Variants in MAPK4 observed in about 807,000 individuals in gnomAD.
MAPK4 encodes Erk3-related.
MAPK4 carries 22 observed loss-of-function variants against 47.7 expected under a neutral mutation model. The observed-to-expected ratio is 0.46, with a 90% confidence interval of 0.33 to 0.66. The LOEUF is 0.66. Among genes scored for constraint, MAPK4 ranks in the 30% least tolerant of loss-of-function variants. The pLI is 0.02. For synonymous variants in MAPK4, 390 were observed against 365.7 expected (o/e 1.07, Z -0.76); for missense variants, 736 against 831.7 (o/e 0.88, Z 1.42).
chr18:50,584,174 C>T (rs572913175), intron 1 of MAPK4, among the ~76,000 whole-genome samples: 7 of 152,286 alleles, frequency 4.6e-5, no homozygotes, highest in African/African-American at 7.2e-5. Context: ...ATCTAAATAC[C>T]GTTTGCTACT....
intron 1 of MAPK4, among the ~76,000 whole-genome samples, chr18:50,654,532 G>A (rs1411629257): frequency 6.6e-6 from 1 of 152,234 alleles, no homozygotes; most frequent in Non-Finnish European, 1.5e-5. Flanking sequence ...GATTTTGAAA[G>A]AGGCCACCAT....
intron 1 of MAPK4, among the ~76,000 whole-genome samples, chr18:50,618,200 T>G (rs1469534234): frequency 6.6e-6 from 1 of 152,154 alleles, no homozygotes; most frequent in African/African-American, 2.4e-5. Flanking sequence ...CCTACTGAGC[T>G]CTCCCATCAT....
intron 1 of MAPK4, among the ~76,000 whole-genome samples, chr18:50,597,145 A>G (rs930913985): frequency 2.0e-5 from 3 of 152,182 alleles, no homozygotes; most frequent in East Asian, 1.9e-4. Flanking sequence ...ATTCAACCCA[A>G]TGAAAAGTAT....
chr18:50,570,274 T>C (rs1031583961), intron 1 of MAPK4, among the ~76,000 whole-genome samples: 3 of 152,218 alleles, frequency 2.0e-5, no homozygotes, highest in Admixed American at 1.3e-4. Context: ...TAGCCACATG[T>C]AGATATATTT....
chr18:50,657,283 C>T (rs2043119815), intron 1 of MAPK4, among the ~76,000 whole-genome samples: 1 of 152,190 alleles, frequency 6.6e-6, no homozygotes, highest in South Asian at 2.1e-4. Context: ...TCATGGTCCT[C>T]AACAGGGATG....
chr18:50,603,502 T>C (rs1023834966), intron 1 of MAPK4, among the ~76,000 whole-genome samples: 3 of 151,942 alleles, frequency 2.0e-5, no homozygotes, highest in Admixed American at 6.5e-5. Flanking sequence ...TCCTGCAGGA[T>C]CCATGCCTAT....
intron 2 of MAPK4, among the ~76,000 whole-genome samples, chr18:50,684,216 T>C (rs769735618): frequency 6.6e-6 from 1 of 152,192 alleles, no homozygotes; most frequent in Non-Finnish European, 1.5e-5. Flanking sequence ...CCTTTTTTGC[T>C]TAAACTTATT....
chr18:50,593,091 G>A (rs1336137035), intron 1 of MAPK4, among the ~76,000 whole-genome samples: 2 of 152,178 alleles, frequency 1.3e-5, no homozygotes, highest in East Asian at 3.9e-4. Flanking sequence ...GCTAGTAAGC[G>A]ACAGAGATGG....
In MAPK4 at chr18:50,663,823, C is replaced by G. The variant is rs770553702; in HGVS notation, c.-136C>G. ...GTCTCCAGAGAGCTGGTGGCAGTGA[C>G]CTCACTAGGAGAAAACACATCCCTC... On this transcript the variant is annotated 5_prime_UTR_variant, in exon 2 of 6. Transcript: ENST00000400384. 4.2e-6 allele frequency: 3 copies of G among 709,458 alleles called. No individual in the cohort carries two copies. The African/African-American group carries it at 5.3e-5, about 13-fold the overall frequency. 43.9% of individuals were successfully genotyped at this position (709,458 alleles called of 1,614,324 possible).
intron 1 of MAPK4, among the ~76,000 whole-genome samples, chr18:50,567,603 A>G (rs1020050474): frequency 6.6e-6 from 1 of 152,232 alleles, no homozygotes; most frequent in Non-Finnish European, 1.5e-5. Flanking sequence ...AAATTTCACC[A>G]CACCATTGAT....
At chr18:50,656,291 G>A (rs2043109198) in intron 1 of MAPK4, among the ~76,000 whole-genome samples, 1 of 152,180 alleles carries the variant, frequency 6.6e-6, no homozygotes, top group African/African-American at 2.4e-5. Flanking sequence ...GAGGTGTCCT[G>A]GGATGTCCAT....
In MAPK4 at chr18:50,663,971, G is replaced by A. The variant is rs572593041; in HGVS notation, c.13G>A (p.Gly5Ser). The A allele has an allele frequency of 2.2e-5, 35 of 1,611,492 alleles. No individual in the cohort carries two copies. The East Asian group carries it at 5.1e-4, about 24-fold the overall frequency. The change falls in exon 2 of 6, where the codon GGT (glycine) becomes AGT (serine). Residue 5 changes from glycine to serine, a missense_variant. Gly to Ser is a moderately conservative substitution (Grantham distance 56). Coordinates refer to ENST00000400384, the MANE Select transcript of MAPK4 (RefSeq NM_002747.4). Reference protein sequence around the residue: MAEKGDCIASVYGYD... With the variant: MAEKSDCIASVYGYD... ...CACTGAGCCCACAATGGCTGAGAAG[G>A]GTGACTGCATCGCCAGTGTCTATGG...
Position 50,664,872 on chromosome 18 carries a change from C to T in MAPK4, c.546+368C>T, listed in dbSNP as rs1341423107. Among the ~76,000 whole-genome samples, 1 of 152,226 alleles carries T rather than the reference C, an allele frequency of 6.6e-6. No individual in the cohort carries two copies. The highest frequency in any genetic ancestry group is 1.5e-5 in the Non-Finnish European group (1 of 68,040). On this transcript the variant is annotated intron_variant, in intron 2 of 5. Coordinates refer to ENST00000400384, the MANE Select transcript of MAPK4 (RefSeq NM_002747.4). The surrounding 1 kb of genome is among the most constrained non-coding windows in gnomAD (Gnocchi z 6.0). ...TCCACTTAGCCATCCCATGTCCTTC[C>T]TGTGTGCTCAGGACACACCCTGAGG...
At chr18:50,720,464 G>A (rs574494410) in intron 3 of MAPK4, among the ~76,000 whole-genome samples, 11 of 152,130 alleles carry the variant, frequency 7.2e-5, no homozygotes, top group Admixed American at 1.3e-4. Context: ...CTTGCTTTCC[G>A]CCCCAGGCCA....
At chr18:50,688,905 A>AG (rs918849263) in intron 2 of MAPK4, among the ~76,000 whole-genome samples, 11 of 151,166 alleles carry the variant, frequency 7.3e-5, no homozygotes, top group Non-Finnish European at 1.3e-4. Context: ...AAAAAAAAAA[A>AG]AAAAAGAAAG....
At chr18:50,722,498 G>A (rs551234461) in intron 4 of MAPK4, among the ~76,000 whole-genome samples, 1 of 152,268 alleles carries the variant, frequency 6.6e-6, no homozygotes, top group East Asian at 1.9e-4. Context: ...GTGGCCTCAG[G>A]CAAGGACCGC....
intron 1 of MAPK4, 38 bp downstream of exon 1, chr18:50,560,281 G>T (rs1473856252): frequency 6.6e-6 from 1 of 152,028 alleles, no homozygotes; most frequent in African/African-American, 2.4e-5. Flanking sequence ...TCCTCCCGCC[G>T]CCTGCGCCTC....
chr18:50,562,839 T>G (rs928974166), intron 1 of MAPK4, among the ~76,000 whole-genome samples: 10 of 152,332 alleles, frequency 6.6e-5, no homozygotes, highest in African/African-American at 2.4e-4. Flanking sequence ...GCAGCATATA[T>G]GAAAAGCCAG....
intron 1 of MAPK4, among the ~76,000 whole-genome samples, chr18:50,599,813 A>C (rs1436765442): frequency 6.6e-6 from 1 of 152,204 alleles, no homozygotes; most frequent in African/African-American, 2.4e-5. Flanking sequence ...GTAACTTTCC[A>C]CAAATGTTTT....
Sources: gnomAD v4.1 joint callset for allele counts (sites outside exome capture counted in the v4.1 genomes callset) on GRCh38, gnomAD v4.1.1 for gene constraint, Gnocchi (gnomAD v3.1) non-coding constraint, MANE v1.5 for transcripts, NCBI Gene and HGNC (gene_info 2026-07-23, HGNC 2026-07-21) for gene names.